SH3GL2: variants seen among roughly 807,000 people sequenced by gnomAD.
SH3GL2 encodes the protein endophilin-A1.
Under a neutral mutation model 46.0 loss-of-function variants are expected in SH3GL2, and 24 were observed. That is an observed-to-expected ratio of 0.52 (90% CI 0.38 to 0.73). The LOEUF is 0.73. Ranked by LOEUF, SH3GL2 falls within the 30% of genes least tolerant of loss-of-function variation. The pLI, the probability that SH3GL2 is intolerant of heterozygous loss-of-function variation, is 0.00. For missense variants in SH3GL2, 413 were observed against 424.2 expected (o/e 0.97, Z 0.23); for synonymous variants, 196 against 147.1 (o/e 1.33, Z -2.40).
In SH3GL2 at chr9:17,790,471, G is replaced by A. The variant is rs924200273; in HGVS notation, c.625-760G>A. Reference sequence around the variant, plus strand: ...TTCCTACCACCTGGAGACAGTGTAGGTTTTTGTTTATGTAAAACAACTTGT... The same window carrying A: ...TTCCTACCACCTGGAGACAGTGTAGATTTTTGTTTATGTAAAACAACTTGT... On this transcript the variant is annotated intron_variant, in intron 6 of 8. Transcript: ENST00000380607. 9 of 965,590 alleles carry A rather than the reference G, an allele frequency of 9.3e-6. No homozygotes were observed. In the South Asian group the frequency reaches 3.8e-4, roughly 41 times the overall value. The allele number at this position is 965,590 out of a possible 1,614,324, so 59.8% of individuals were successfully genotyped here.
chr9:17,597,029 C>G (rs1475619271), intron 1 of SH3GL2, among the ~76,000 whole-genome samples: 2 of 152,116 alleles, frequency 1.3e-5, no homozygotes, highest in Non-Finnish European at 2.9e-5. Flanking sequence ...TAGAGTGAAG[C>G]TAACTTTTCC....
At chr9:17,733,956 C>T (rs553333595) in intron 1 of SH3GL2, among the ~76,000 whole-genome samples, 1 of 152,108 alleles carries the variant, frequency 6.6e-6, no homozygotes, top group African/African-American at 2.4e-5. Context: ...TCTTACTTAA[C>T]CTCTGCTTGC....
At chr9:17,719,000 C>A (rs1821828200) in intron 1 of SH3GL2, among the ~76,000 whole-genome samples, 1 of 152,080 alleles carries the variant, frequency 6.6e-6, no homozygotes, top group Non-Finnish European at 1.5e-5. Context: ...CCTAAGGTGT[C>A]ATAAAGATGA....
intron 1 of SH3GL2, among the ~76,000 whole-genome samples, chr9:17,707,966 C>T (rs377514957): frequency 1.2e-4 from 19 of 152,152 alleles, no homozygotes; most frequent in Admixed American, 2.0e-4. Context: ...CACACTTGTC[C>T]TCTTAGAAGC....
intron 3 of SH3GL2, among the ~76,000 whole-genome samples, chr9:17,771,685 A>G (rs9406709): frequency 0.1 from 15,554 of 152,114 alleles, 883 homozygotes; most frequent in Non-Finnish European, 0.11. Flanking sequence ...GCAGCACCCA[A>G]TCTTGAGGTG....
At chr9:17,789,054 T>G (rs1297801129) in intron 5 of SH3GL2, among the ~76,000 whole-genome samples, 2 of 152,232 alleles carry the variant, frequency 1.3e-5, no homozygotes, top group Non-Finnish European at 1.5e-5. Context: ...GTCCTTTCAT[T>G]GTGTGTAGGG....
At chr9:17,787,816 T>C (rs1174561566) in intron 5 of SH3GL2, among the ~76,000 whole-genome samples, 3 of 152,172 alleles carry the variant, frequency 2.0e-5, no homozygotes, top group African/African-American at 7.2e-5. Context: ...ATACACAGTT[T>C]TGTTAATTAT....
In SH3GL2 at chr9:17,792,712, C is replaced by T. The variant is rs376127138; in HGVS notation, c.729-655C>T. ...TCATCTGGAAACAGCTCCTGTGTAT[C>T]TTTTAGTTCTCTCCTTAAACCTCCT... On this transcript the variant is annotated intron_variant, in intron 7 of 8. Transcript: ENST00000380607. 2.0e-4 allele frequency among the ~76,000 whole-genome samples: 31 copies of T among 152,272 alleles called. No homozygotes were observed. In the Middle Eastern group the frequency reaches 0.01, roughly 50 times the overall value.
intron 1 of SH3GL2, among the ~76,000 whole-genome samples, chr9:17,629,042 A>C (rs749903682): frequency 6.6e-6 from 1 of 151,904 alleles, no homozygotes; most frequent in African/African-American, 2.4e-5. Context: ...TTAGAGTTCA[A>C]GATGTGGCCT....
chr9:17,767,640 G>T (rs963520082), intron 3 of SH3GL2, among the ~76,000 whole-genome samples: 2 of 152,190 alleles, frequency 1.3e-5, no homozygotes, highest in Non-Finnish European at 2.9e-5. Flanking sequence ...AGTATGTCTG[G>T]TGAATAGGTG....
rs1453772859 is a variant in SH3GL2 at position 17,795,614 on chromosome 9, A to T, written c.930A>T (p.Gly310=). 1 of 1,613,908 alleles carries T rather than the reference A, an allele frequency of 6.2e-7. No individual in the cohort carries two copies. Among genetic ancestry groups the T allele is most frequent in the African/African-American group, 1.3e-5 (1 of 74,900 alleles). The part of the protein sequence containing the change: ...DFEPENEGEL[G]FKEGDIITLT... ...AACCTGAAAATGAAGGGGAGTTGGG[A>T]TTTAAAGAGGGCGATATCATCACAC... is the stretch of plus-strand genomic sequence containing the variant. Residue 310 remains glycine, a synonymous_variant, in exon 9 of 9, where the codon GGA becomes GGT. Coordinates refer to ENST00000380607, the MANE Select transcript of SH3GL2 (RefSeq NM_003026.5).
chr9:17,670,218 T>A (rs1820439961), intron 1 of SH3GL2, among the ~76,000 whole-genome samples: 1 of 152,192 alleles, frequency 6.6e-6, no homozygotes, highest in African/African-American at 2.4e-5. Flanking sequence ...TAGCCCTTTC[T>A]GTCCATGCAA....
intron 1 of SH3GL2, among the ~76,000 whole-genome samples, chr9:17,609,154 C>T (rs898097823): frequency 2.6e-5 from 4 of 151,844 alleles, no homozygotes; most frequent in South Asian, 2.1e-4. Flanking sequence ...TCTCACAGCC[C>T]GATAAAGTAG....
intron 1 of SH3GL2, among the ~76,000 whole-genome samples, chr9:17,694,686 C>T (rs1821161288): frequency 6.6e-6 from 1 of 152,116 alleles, no homozygotes; most frequent in Admixed American, 6.6e-5. Flanking sequence ...ACATATTCAC[C>T]TCTAAATAAA....
chr9:17,683,554 T>C (rs749775694), intron 1 of SH3GL2, among the ~76,000 whole-genome samples: 2 of 151,646 alleles, frequency 1.3e-5, no homozygotes, highest in Non-Finnish European at 2.9e-5. Context: ...TCTCCTAACA[T>C]TGTGGGAGGA....
intron 1 of SH3GL2, among the ~76,000 whole-genome samples, chr9:17,715,868 C>G (rs1035196558): frequency 6.6e-6 from 1 of 152,056 alleles, no homozygotes; most frequent in Admixed American, 6.6e-5. Context: ...GCAAGTTCAT[C>G]TAACACAAAG....
chr9:17,742,106 A>G (rs1822542892), intron 1 of SH3GL2, among the ~76,000 whole-genome samples: 2 of 152,194 alleles, frequency 1.3e-5, no homozygotes, highest in Admixed American at 6.5e-5. Flanking sequence ...TGTGGGAGGT[A>G]TGAATAAATT....
At chr9:17,581,469 C>T (rs998024958) in intron 1 of SH3GL2, among the ~76,000 whole-genome samples, 1 of 152,150 alleles carries the variant, frequency 6.6e-6, no homozygotes, top group African/African-American at 2.4e-5. Flanking sequence ...AAGTCTAAGG[C>T]ACAGGTGACT....
intron 1 of SH3GL2, among the ~76,000 whole-genome samples, chr9:17,734,844 T>A (rs1822283410): frequency 6.6e-6 from 1 of 152,078 alleles, no homozygotes; most frequent in Non-Finnish European, 1.5e-5. Context: ...AAAAAATTCT[T>A]TTTGGTATGA....
Sources: gnomAD v4.1 joint callset for allele counts (sites outside exome capture counted in the v4.1 genomes callset) on GRCh38, gnomAD v4.1.1 for gene constraint, MANE v1.5 for transcripts, NCBI Gene and HGNC (gene_info 2026-07-23, HGNC 2026-07-21) for gene names.